PRR16: variants seen among roughly 807,000 people sequenced by gnomAD.
PRR16 encodes the protein protein Largen.
PRR16 carries 6 observed loss-of-function variants against 18.2 expected under a neutral mutation model. That is an observed-to-expected ratio of 0.33 (90% CI 0.18 to 0.65). The LOEUF (loss-of-function observed/expected upper bound fraction) is 0.65, where lower values mean the gene tolerates loss of function less well. Among genes scored for constraint, PRR16 ranks in the 30% least tolerant of loss-of-function variants. PRR16 has a pLI of 0.74. For synonymous variants in PRR16, 151 were observed against 147.8 expected (o/e 1.02, Z -0.16); for missense variants, 412 against 376.6 (o/e 1.09, Z -0.78).
the PRR16 span, among the ~76,000 whole-genome samples, chr5:120,753,363 C>T: frequency 2.6e-5 from 4 of 151,868 alleles, no homozygotes; most frequent in Non-Finnish European, 4.4e-5. Context: ...TAATAAGTTA[C>T]CATTCAAGTA....
At chr5:120,776,351 T>A in the PRR16 span, among the ~76,000 whole-genome samples, 1 of 152,170 alleles carries the variant, frequency 6.6e-6, no homozygotes, top group East Asian at 1.9e-4. Context: ...TTCAAGCACT[T>A]TGGGCAGTTC....
At chr5:120,611,013 A>G (rs1214721296) in intron 1 of PRR16, among the ~76,000 whole-genome samples, 4 of 152,234 alleles carry the variant, frequency 2.6e-5, no homozygotes, top group Non-Finnish European at 5.9e-5. Flanking sequence ...AGGTGGTCTC[A>G]GATGGAGATG....
the PRR16 span, among the ~76,000 whole-genome samples, chr5:120,781,042 C>G: frequency 6.6e-6 from 1 of 152,088 alleles, no homozygotes; most frequent in African/African-American, 2.4e-5. Flanking sequence ...GAGCGAGACT[C>G]CATCTCAGAA....
intron 1 of PRR16, among the ~76,000 whole-genome samples, chr5:120,620,413 C>G (rs1580795914): frequency 6.6e-6 from 1 of 152,020 alleles, no homozygotes; most frequent in Non-Finnish European, 1.5e-5. Context: ...GGTGAGGTTG[C>G]TTGATTTTGT....
intron 1 of PRR16, among the ~76,000 whole-genome samples, chr5:120,673,130 C>G (rs1473029639): frequency 2.6e-5 from 4 of 152,182 alleles, no homozygotes; most frequent in Non-Finnish European, 2.9e-5. Context: ...ACCTCATTTA[C>G]TAAAACTTAT....
chr5:120,718,502 C>A, the PRR16 span, among the ~76,000 whole-genome samples: 1 of 152,062 alleles, frequency 6.6e-6, no homozygotes, highest in African/African-American at 2.4e-5. Context: ...GAGCAGTAGT[C>A]AATTCTTTCT....
intron 1 of PRR16, among the ~76,000 whole-genome samples, chr5:120,471,617 T>C (rs1749270828): frequency 6.6e-6 from 1 of 152,096 alleles, no homozygotes; most frequent in Non-Finnish European, 1.5e-5. Flanking sequence ...ATAAACCACC[T>C]CCTCTCTCCC....
At chr5:120,524,684 TG>T (rs1188758769) in intron 1 of PRR16, among the ~76,000 whole-genome samples, 1 of 152,084 alleles carries the variant, frequency 6.6e-6, no homozygotes, top group African/African-American at 2.4e-5. Context: ...AGAGTATAAT[TG>T]GGTTGTTTGT....
At chr5:120,699,458 T>G in the PRR16 span, among the ~76,000 whole-genome samples, 2 of 152,014 alleles carry the variant, frequency 1.3e-5, no homozygotes, top group Non-Finnish European at 2.9e-5. Context: ...TCAGTAATAA[T>G]GTGGGAGGCC....
chr5:120,695,904 A>C, the PRR16 span, among the ~76,000 whole-genome samples: 3 of 144,902 alleles, frequency 2.1e-5, no homozygotes, highest in African/African-American at 7.7e-5. Context: ...ACTTGTAAAA[A>C]AAAATCTTAT....
At chr5:120,554,011 A>T (rs1561543487) in intron 1 of PRR16, among the ~76,000 whole-genome samples, 1 of 151,954 alleles carries the variant, frequency 6.6e-6, no homozygotes, top group Non-Finnish European at 1.5e-5. Flanking sequence ...AAAATTAGTT[A>T]AATCCATGGA....
chr5:120,701,450 G>GAGCATTAACCTTGACT, the PRR16 span, among the ~76,000 whole-genome samples: 1 of 152,192 alleles, frequency 6.6e-6, no homozygotes, highest in Non-Finnish European at 1.5e-5. Flanking sequence ...AAAGAAAAAG[G>GAGCATTAACCTTGACT]AGCATTAACC....
the PRR16 span, among the ~76,000 whole-genome samples, chr5:120,748,006 A>G: frequency 3.5e-3 from 527 of 152,154 alleles, 3 homozygotes; most frequent in African/African-American, 0.012. Flanking sequence ...TTGCTGCCAT[A>G]TATTTCTCTA....
chr5:120,487,854 T>G (rs1365621013), intron 1 of PRR16, among the ~76,000 whole-genome samples: 1 of 152,188 alleles, frequency 6.6e-6, no homozygotes, highest in Non-Finnish European at 1.5e-5. Context: ...GTTGTTAGCA[T>G]GAAGCGTTGT....
the PRR16 span, among the ~76,000 whole-genome samples, chr5:120,715,201 C>G: frequency 6.6e-6 from 1 of 151,812 alleles, no homozygotes; most frequent in Non-Finnish European, 1.5e-5. Context: ...CTGTTTTACA[C>G]TTAGATCTGT....
the PRR16 span, among the ~76,000 whole-genome samples, chr5:120,725,256 C>G: frequency 6.6e-6 from 1 of 150,500 alleles, no homozygotes; most frequent in Admixed American, 6.6e-5. Context: ...TAACTTAAGT[C>G]TCATATTCAG....
the PRR16 span, among the ~76,000 whole-genome samples, chr5:120,767,480 G>A: frequency 4.0e-5 from 6 of 151,822 alleles, no homozygotes; most frequent in Non-Finnish European, 8.8e-5. Flanking sequence ...GTGATGTCAG[G>A]AAAGACATAA....
chr5:120,754,384 ATAT>A, the PRR16 span, among the ~76,000 whole-genome samples: 3 of 54,808 alleles, frequency 5.5e-5, no homozygotes, highest in African/African-American at 2.7e-4. Flanking sequence ...TATAACATAT[ATAT>A]TATATGTTAT....
chr5:120,474,299 T>G (rs1192517886), intron 1 of PRR16, among the ~76,000 whole-genome samples: 1 of 152,100 alleles, frequency 6.6e-6, no homozygotes, highest in Non-Finnish European at 1.5e-5. Flanking sequence ...GTTGGGGGGA[T>G]TGTCCTGTGC....
Sources: gnomAD v4.1 joint callset for allele counts (sites outside exome capture counted in the v4.1 genomes callset) on GRCh38, gnomAD v4.1.1 for gene constraint, MANE v1.5 for transcripts, NCBI Gene and HGNC (gene_info 2026-07-23, HGNC 2026-07-21) for gene names.